CLN3: variants seen among roughly 807,000 people sequenced by gnomAD.
The protein encoded by CLN3 is CLN3 lysosomal/endosomal transmembrane protein, battenin, also known as battenin.
Under a neutral mutation model 60.7 loss-of-function variants are expected in CLN3, and 49 were observed. The observed-to-expected ratio is 0.81, with a 90% CI of 0.64 to 1.02. The LOEUF (loss-of-function observed/expected upper bound fraction) is 1.02, where lower values mean the gene tolerates loss of function less well. Ranked by LOEUF, CLN3 falls within the 50% of genes least tolerant of loss-of-function variation. The probability of loss-of-function intolerance (pLI) is 0.00; values close to 1 mark genes in which losing one functional copy is unlikely to be tolerated. For synonymous variants in CLN3, 256 were observed against 245.8 expected (o/e 1.04, Z -0.39); for missense variants, 516 against 557.4 (o/e 0.93, Z 0.75).
intron 14 of CLN3, among the ~76,000 whole-genome samples, chr16:28,480,247 T>C (rs986280457): frequency 6.6e-6 from 1 of 151,090 alleles, no homozygotes; most frequent in Non-Finnish European, 1.5e-5. Flanking sequence ...AGGTGGGGGG[T>C]CTCACTATGT....
At chr16:28,486,067 G>A (rs1006380179) in intron 9 of CLN3, among the ~76,000 whole-genome samples, 4 of 150,924 alleles carry the variant, frequency 2.7e-5, no homozygotes, top group South Asian at 2.1e-4. Context: ...GCACGATCTC[G>A]GCTCACTGCC....
At chr16:28,483,722 T>C (rs1026837338) in intron 10 of CLN3, among the ~76,000 whole-genome samples, 2 of 67,958 alleles carry the variant, frequency 2.9e-5, no homozygotes, top group Non-Finnish European at 8.9e-5. Context: ...TCTTTTTTTT[T>C]TTTTTTTTTT....
At chr16:28,471,869 G>T (rs1256677100), downstream of CLN3, among the ~76,000 whole-genome samples, 1 of 152,040 alleles carries the variant, frequency 6.6e-6, no homozygotes, top group Non-Finnish European at 1.5e-5. Context: ...TGACCTCTCA[G>T]GGATGTCCAA....
downstream of CLN3, among the ~76,000 whole-genome samples, chr16:28,472,366 G>T (rs1045616666): frequency 1.3e-5 from 2 of 151,946 alleles, no homozygotes; most frequent in African/African-American, 2.4e-5. Context: ...TCCATCCTGG[G>T]TGACAAAAAC....
chr16:28,479,006 G>A (rs2141696841), intron 14 of CLN3, among the ~76,000 whole-genome samples: 1 of 152,264 alleles, frequency 6.6e-6, no homozygotes, highest in Non-Finnish European at 1.5e-5. Context: ...AAAGTGCTGG[G>A]ATTATAGGCA....
At chr16:28,479,841 T>A in intron 14 of CLN3, 1 of 166,236 alleles carries the variant, frequency 6.0e-6, no homozygotes, top group South Asian at 1.2e-4. Context: ...CATGTTTCAG[T>A]GGTATCTACA....
At chr16:28,489,495 T>A in intron 3 of CLN3, 109 bp from the exon 4 acceptor site, 1 of 783,174 alleles carries the variant, frequency 1.3e-6, no homozygotes, top group Non-Finnish European at 2.2e-6. Context: ...CCTCTTTTTT[T>A]TCCCTCTATC....
At chr16:28,488,081 C>T (rs2046252150) in intron 5 of CLN3, 3 of 276,646 alleles carry the variant, frequency 1.1e-5, no homozygotes, top group Non-Finnish European at 2.1e-5. Flanking sequence ...CATTCTGCCA[C>T]CCAGGCTGGA....
chr16:28,482,030 GCA>G, intron 14 of CLN3, 73 bp downstream of exon 14: 1 of 1,084,742 alleles, frequency 9.2e-7, no homozygotes, highest in Non-Finnish European at 1.4e-6. Flanking sequence ...ATAGTGGGAA[GCA>G]GGGGGTTTGG....
chr16:28,491,420 T>C (rs1734546601), intron 3 of CLN3, 62 bp downstream of exon 3: 1 of 1,589,554 alleles, frequency 6.3e-7, no homozygotes, highest in Admixed American at 1.7e-5. Flanking sequence ...TCTTCCCCCT[T>C]TCCTCCGGTC....
Position 28,477,644 on chromosome 16 carries a change from G to T in CLN3, c.1198-9C>A. ...CGGTGCTCATCACTGGTCTGGGAGGGCAGAGAGCAGGGGTGAGGCTTCAGT... is the reference window on the plus strand; with the variant it reads ...CGGTGCTCATCACTGGTCTGGGAGGTCAGAGAGCAGGGGTGAGGCTTCAGT... On this transcript the variant is annotated splice_polypyrimidine_tract_variant and intron_variant, in intron 15 of 15. Transcript: ENST00000636147. The T allele has an allele frequency of 6.2e-7, 1 of 1,613,948 alleles. No homozygotes were observed. The highest frequency in any genetic ancestry group is 8.5e-7 in the Non-Finnish European group (1 of 1,180,038).
rs1367095878 is a variant in CLN3 at position 28,480,130 on chromosome 16, T to C, written c.1056+1975A>G. 2.6e-5 allele frequency among the ~76,000 whole-genome samples: 4 copies of C among 151,836 alleles called. 1 individual carries two copies. The South Asian group carries it at 8.3e-4, about 32-fold the overall frequency. On this transcript the variant is annotated intron_variant, in intron 14 of 15. Transcript: ENST00000636147. ...TGAATGTCACCACACCCTGTTGTTG[T>C]TTTTTGTAGAGATGAGGTCTCGTGA...
At position 28,489,362 on chromosome 16, in the gene CLN3, G is replaced by A; in HGVS notation, c.150C>T (p.Phe50=). The change falls in exon 4 of 16, where the codon TTC becomes TTT. Residue 50 remains phenylalanine, a synonymous_variant. Coordinates refer to ENST00000636147, the MANE Select transcript of CLN3 (RefSeq NM_001042432.2). ...CGGCACTCAGCATCACCACATAAGA[G>A]AAGTTGTTGCAAAGGCCCAGCAGCC... ...GFWLLGLCNN[F]SYVVMLSAAH... 1 of 1,613,036 alleles carries A rather than the reference G, an allele frequency of 6.2e-7. No homozygotes were observed. Among genetic ancestry groups the A allele is most frequent in the Non-Finnish European group, 8.5e-7 (1 of 1,179,558 alleles).
At chr16:28,471,058 A>G, downstream of CLN3, 1 of 428,666 alleles carries the variant, frequency 2.3e-6, no homozygotes, top group Admixed American at 4.8e-5. Context: ...ACTCCTCGCA[A>G]GGACAGGTCC....
Position 28,489,328 on chromosome 16 carries a change from T to C in CLN3, c.184A>G (p.Ile62Val), listed in dbSNP as rs1567262947. Reference sequence around the variant, plus strand: ...CCCGATGTCCTCTTGTGGCTAAGGATGTCGTGGGCGGCACTCAGCATCACC... The same window carrying C: ...CCCGATGTCCTCTTGTGGCTAAGGACGTCGTGGGCGGCACTCAGCATCACC... ...YVVMLSAAHD[I>V]LSHKRTSGNQ... Residue 62 changes from isoleucine to valine, a missense_variant, in exon 4 of 16, where the codon ATC (isoleucine) becomes GTC (valine). By Grantham distance (29) the Ile-to-Val change is conservative (BLOSUM62 3). Transcript: ENST00000636147. The C allele has an allele frequency of 6.2e-6, 10 of 1,613,616 alleles. No homozygotes were observed. Among genetic ancestry groups the C allele is most frequent in the Non-Finnish European group, 6.8e-6 (8 of 1,179,852 alleles).
intron 3 of CLN3, among the ~76,000 whole-genome samples, chr16:28,490,741 CAGAG>C (rs1322831356): frequency 1.6e-5 from 2 of 122,154 alleles, no homozygotes; most frequent in South Asian, 2.5e-4. Context: ...GCCTGGAGGA[CAGAG>C]AGAGACTCCG....
downstream of CLN3, among the ~76,000 whole-genome samples, chr16:28,473,820 T>C (rs149299): frequency 0.3 from 45,140 of 152,068 alleles, 8,757 homozygotes; most frequent in Non-Finnish European, 0.41. Context: ...CTCAAAGAAC[T>C]ATATGTACGG....
intron 9 of CLN3, chr16:28,484,693 T>C (rs76662516): frequency 0.021 from 3,510 of 164,036 alleles, 58 homozygotes; most frequent in Non-Finnish European, 0.029. Context: ...GAGTCAGTTC[T>C]GTTTTCTGGC....
chr16:28,477,494 T>G lies in CLN3; in HGVS notation c.*22A>C, dbSNP rs1235729465. On this transcript the variant is annotated 3_prime_UTR_variant, in exon 16 of 16. Coordinates refer to ENST00000636147, the MANE Select transcript of CLN3 (RefSeq NM_001042432.2). ...CCTCTGCCCACAGGTGAATGTGACC[T>G]GCGTCCTGAGGATCCCGAGTATCAG... 1.9e-6 allele frequency: 3 copies of G among 1,612,102 alleles called. No homozygotes were observed. The highest frequency in any genetic ancestry group is 2.5e-6 in the Non-Finnish European group (3 of 1,179,982).
Sources: gnomAD v4.1 joint callset for allele counts (sites outside exome capture counted in the v4.1 genomes callset) on GRCh38, gnomAD v4.1.1 for gene constraint, MANE v1.5 for transcripts, NCBI Gene and HGNC (gene_info 2026-07-23, HGNC 2026-07-21) for gene names.